The following KANK1 variants were observed in gnomAD, a reference collection of about 807,000 sequenced individuals.
KANK1 encodes the protein KN motif and ankyrin repeat domain-containing protein 1.
In KANK1, 109 loss-of-function variants were observed where a neutral mutation model predicts 106.2. That is an observed-to-expected ratio of 1.03 (90% CI 0.88 to 1.20). KANK1 has a LOEUF of 1.20. Among genes scored for constraint, KANK1 ranks in the 50% most tolerant of loss-of-function variants. The pLI, the probability that KANK1 is intolerant of heterozygous loss-of-function variation, is 0.00. For synonymous variants in KANK1, 873 were observed against 652.2 expected (o/e 1.34, Z -5.16); for missense variants, 2,399 against 1,710.7 (o/e 1.40, Z -7.10).
chr9:596,641 T>A (rs1826292191), intron 1 of KANK1, among the ~76,000 whole-genome samples: 1 of 151,860 alleles, frequency 6.6e-6, no homozygotes, highest in Non-Finnish European at 1.5e-5. Context: ...CGTTATGTCA[T>A]GGTAAAGTAA....
chr9:653,262 A>G (rs7851435), intron 1 of KANK1, among the ~76,000 whole-genome samples: 27,547 of 151,950 alleles, frequency 0.18, 2,723 homozygotes, highest in East Asian at 0.32. Context: ...TCCCAGAGGT[A>G]GTTCGAGGCC....
At position 598,620 on chromosome 9, in the gene KANK1, C is replaced by CTTTT. The variant is rs3028166; in HGVS notation, c.-83-78243_-83-78240dup. The stretch of plus-strand genomic sequence containing the variant: ...TTTTTTGTTTTGTTTTGTTGGTTTT[C>CTTTT]TTTTTTTTTTTTTTTTTTTTTTTTT... On this transcript the variant is annotated intron_variant, in intron 1 of 11. Coordinates refer to ENST00000382297, the MANE Select transcript of KANK1 (RefSeq NM_015158.5). Among the ~76,000 whole-genome samples, 90 of 46,684 alleles carry CTTTT rather than the reference C, an allele frequency of 1.9e-3. 8 individuals are homozygous for CTTTT. Among genetic ancestry groups the CTTTT allele is most frequent in the Non-Finnish European group, 2.6e-3 (61 of 23,150 alleles). The allele number at this position is 46,684 out of a possible 152,430, so 30.6% of individuals were successfully genotyped here. A position where few individuals can be genotyped will look rare whatever the true frequency, so the allele number is the denominator to read the frequency against.
chr9:626,689 G>C (rs1167709640), intron 1 of KANK1, among the ~76,000 whole-genome samples: 1 of 152,188 alleles, frequency 6.6e-6, no homozygotes, highest in East Asian at 1.9e-4. Flanking sequence ...AATAGAAAAG[G>C]AGAAACAAAA....
At chr9:540,308 G>A (rs1246416339) in intron 1 of KANK1, among the ~76,000 whole-genome samples, 1 of 152,066 alleles carries the variant, frequency 6.6e-6, no homozygotes, top group Non-Finnish European at 1.5e-5. Context: ...TTTTATCCTC[G>A]ATTTTGTTAA....
chr9:523,519 G>T (rs1452479599), intron 1 of KANK1, among the ~76,000 whole-genome samples: 1 of 151,778 alleles, frequency 6.6e-6, no homozygotes, highest in East Asian at 1.9e-4. Context: ...TAGACTCTCT[G>T]TTGGCTCCTT....
At chr9:732,710 G>A in intron 6 of KANK1, 93 bp downstream of exon 6, 2 of 1,426,522 alleles carry the variant, frequency 1.4e-6, no homozygotes, top group Non-Finnish European at 1.9e-6. Flanking sequence ...GTAATTAAAT[G>A]TTTGCTTTTA....
At chr9:593,348 A>T (rs1210320039) in intron 1 of KANK1, among the ~76,000 whole-genome samples, 3 of 151,794 alleles carry the variant, frequency 2.0e-5, no homozygotes, top group Non-Finnish European at 2.9e-5. Context: ...GGATTCTTGT[A>T]TCCCACTTTT....
intron 1 of KANK1, among the ~76,000 whole-genome samples, chr9:592,967 T>C (rs1027694280): frequency 6.6e-6 from 1 of 151,902 alleles, no homozygotes; most frequent in Non-Finnish European, 1.5e-5. Context: ...AAAGATGATC[T>C]TGGCGTCACC....
At chr9:691,992 T>A (rs1461700177) in intron 2 of KANK1, among the ~76,000 whole-genome samples, 1 of 152,102 alleles carries the variant, frequency 6.6e-6, no homozygotes, top group Non-Finnish European at 1.5e-5. Flanking sequence ...TGAACAAGAT[T>A]TACTGAATTT....
chr9:473,746 G>C (rs990182548), intron 3 of KANK1, among the ~76,000 whole-genome samples: 1 of 151,776 alleles, frequency 6.6e-6, no homozygotes, highest in Non-Finnish European at 1.5e-5. Context: ...TGTCACCAGG[G>C]TGGAATGCAG....
chr9:509,374 G>T (rs913953023), intron 1 of KANK1, among the ~76,000 whole-genome samples: 1 of 152,180 alleles, frequency 6.6e-6, no homozygotes. Context: ...GTGATTACAG[G>T]CGTGAGCCAC....
rs767618077 is a variant in KANK1, at chr9:691,611, A to ATTTTTTTTTTTTTTT, written c.37+14607_37+14621dup. Reference sequence around the variant, plus strand: ...AATAATGTAACTAAATAATACCAGAATTTTTTTTTTTTTTTTTTTGAGACC... The same window carrying ATTTTTTTTTTTTTTT: ...AATAATGTAACTAAATAATACCAGAATTTTTTTTTTTTTTTTTTTTTTTTTTTTTTTTTTGAGACC... On this transcript the variant is annotated intron_variant, in intron 2 of 11. Transcript: ENST00000382297. 6.1e-4 allele frequency among the ~76,000 whole-genome samples: 43 copies of ATTTTTTTTTTTTTTT among 71,066 alleles called. 3 individuals are homozygous for ATTTTTTTTTTTTTTT. The highest frequency in any genetic ancestry group is 1.9e-3 in the African/African-American group (42 of 21,614). The allele number at this position is 71,066 out of a possible 152,430, so 46.6% of individuals were successfully genotyped here. A position where few individuals can be genotyped will look rare whatever the true frequency, so the allele number is the denominator to read the frequency against.
In KANK1 at chr9:736,855, T is replaced by A. The variant is rs185262982; in HGVS notation, c.3334-1430T>A. 1.1e-4 allele frequency among the ~76,000 whole-genome samples: 16 copies of A among 152,328 alleles called. No individual in the cohort carries two copies. In the East Asian group the frequency reaches 3.1e-3, roughly 29 times the overall value. ...ATTTCCCATCAGGTTTAACCTAAAC[T>A]TAAAACTGGTGCCTTACAACCCCAG... is the stretch of plus-strand genomic sequence containing the variant. On this transcript the variant is annotated intron_variant, in intron 7 of 11. Coordinates refer to ENST00000382297, the MANE Select transcript of KANK1 (RefSeq NM_015158.5).
At chr9:638,963 A>G (rs1043876514) in intron 1 of KANK1, among the ~76,000 whole-genome samples, 6 of 152,136 alleles carry the variant, frequency 3.9e-5, no homozygotes, top group Non-Finnish European at 7.4e-5. Context: ...ATTTTTGTGT[A>G]TTTTAATATG....
intron 2 of KANK1, among the ~76,000 whole-genome samples, chr9:696,738 A>G (rs1193587819): frequency 1.3e-5 from 2 of 152,116 alleles, no homozygotes; most frequent in Non-Finnish European, 2.9e-5. Context: ...TCACTTTGCA[A>G]GGATAGTGAT....
chr9:633,098 C>T lies in KANK1; in HGVS notation c.-83-43792C>T, dbSNP rs529309509. On this transcript the variant is annotated intron_variant, in intron 1 of 11. Transcript: ENST00000382297. ...ATTTTCTGTCCAATCGTGACTTTTT[C>T]TACACTCACTTTTAGTGCCCCATAA... is the stretch of plus-strand genomic sequence containing the variant. 6.2e-4 allele frequency among the ~76,000 whole-genome samples: 95 copies of T among 152,216 alleles called. 1 individual carries two copies. The highest frequency in any genetic ancestry group is 2.3e-3 in the African/African-American group (94 of 41,532).
At chr9:604,163 G>C (rs1230570538) in intron 1 of KANK1, among the ~76,000 whole-genome samples, 1 of 151,546 alleles carries the variant, frequency 6.6e-6, no homozygotes, top group Non-Finnish European at 1.5e-5. Flanking sequence ...TTATTGTTCT[G>C]ATTATTCTGG....
At chr9:598,686 G>A (rs2641999) in intron 1 of KANK1, among the ~76,000 whole-genome samples, 44,917 of 129,472 alleles carry the variant, frequency 0.35, 9,657 homozygotes, top group South Asian at 0.56. Flanking sequence ...GCTGGAGTGC[G>A]GTGGCACGAC....
chr9:497,678 C>T, intron 3 of KANK1, among the ~76,000 whole-genome samples: 1 of 152,084 alleles, frequency 6.6e-6, no homozygotes. Flanking sequence ...CATGGCAAAA[C>T]CTGTCTTGAC....
Sources: gnomAD v4.1 joint callset for allele counts (sites outside exome capture counted in the v4.1 genomes callset) on GRCh38, gnomAD v4.1.1 for gene constraint, MANE v1.5 for transcripts, NCBI Gene and HGNC (gene_info 2026-07-23, HGNC 2026-07-21) for gene names.